MOB1B: variants seen among roughly 807,000 people sequenced by gnomAD.
MOB1B encodes MOB kinase activator 1B.
In MOB1B, 19 loss-of-function variants were observed where a neutral mutation model predicts 24.4. That is an observed-to-expected ratio of 0.78 (90% CI 0.54 to 1.14). The LOEUF (loss-of-function observed/expected upper bound fraction) is 1.14. MOB1B is among the 50% of genes most tolerant of loss of function. MOB1B has a pLI of 0.00. For missense variants in MOB1B, 243 were observed against 259.6 expected, an observed-to-expected ratio of 0.94 and a Z score of 0.44; for synonymous variants, 76 against 82.1, an observed-to-expected ratio of 0.93 and a Z score of 0.40.
chr4:70,909,420 A>G (rs1180444886), intron 1 of MOB1B, among the ~76,000 whole-genome samples: 1 of 152,158 alleles, frequency 6.6e-6, no homozygotes, highest in Non-Finnish European at 1.5e-5. Flanking sequence ...AGGCAGAAGG[A>G]TGGCTTGAGC....
chr4:70,908,667 C>T (rs1440364229), intron 1 of MOB1B, among the ~76,000 whole-genome samples: 2 of 151,052 alleles, frequency 1.3e-5, no homozygotes, highest in East Asian at 2.0e-4. Context: ...CCCAGCTACT[C>T]GGGAGGCTGA....
At chr4:70,939,122 A>T (rs1463247348) in intron 1 of MOB1B, among the ~76,000 whole-genome samples, 2 of 152,232 alleles carry the variant, frequency 1.3e-5, no homozygotes, top group Non-Finnish European at 2.9e-5. Context: ...GCAGTGATTC[A>T]ACACAATAAC....
chr4:70,926,039 A>G (rs1411380225), intron 1 of MOB1B, among the ~76,000 whole-genome samples: 1 of 152,150 alleles, frequency 6.6e-6, no homozygotes, highest in East Asian at 1.9e-4. Flanking sequence ...CGAAGCTGGA[A>G]TGCAGTGGTA....
At chr4:70,914,028 GGGT>G (rs1157626359) in intron 1 of MOB1B, among the ~76,000 whole-genome samples, 1 of 152,038 alleles carries the variant, frequency 6.6e-6, no homozygotes, top group Non-Finnish European at 1.5e-5. Flanking sequence ...TAGAGCCTTT[GGGT>G]GGTGAAGAGA....
chr4:70,959,082 T>G lies in MOB1B; in HGVS notation c.181+42T>G, dbSNP rs376685758. 474 of 1,553,472 alleles carry G rather than the reference T, an allele frequency of 3.1e-4. 1 individual carries two copies. The highest frequency in any genetic ancestry group is 9.9e-4 in the Admixed American group (57 of 57,790). On this transcript the variant is annotated intron_variant, in intron 2 of 5. Transcript: ENST00000309395. ...TTTCTCAGTAGCCTGTGAATTAGGG[T>G]AATAGCCTCATTGTTGGTGAGTGTT...
At chr4:70,912,691 A>C (rs563472923) in intron 1 of MOB1B, among the ~76,000 whole-genome samples, 1 of 152,352 alleles carries the variant, frequency 6.6e-6, no homozygotes, top group African/African-American at 2.4e-5. Flanking sequence ...CTGTTGCTTT[A>C]ACAATGTAAT....
intron 1 of MOB1B, among the ~76,000 whole-genome samples, chr4:70,956,584 C>A (rs1471319219): frequency 6.6e-6 from 1 of 152,084 alleles, no homozygotes. Flanking sequence ...GCATGCACCA[C>A]CACACTTGGT....
chr4:70,903,856 CGGAAAG>C (rs1342273217), intron 1 of MOB1B, among the ~76,000 whole-genome samples: 1 of 151,232 alleles, frequency 6.6e-6, no homozygotes, highest in Non-Finnish European at 1.5e-5. Context: ...AACCTTTAAA[CGGAAAG>C]GGATTTCTTA....
At chr4:70,907,772 C>T (rs1479699176) in intron 1 of MOB1B, among the ~76,000 whole-genome samples, 4 of 152,124 alleles carry the variant, frequency 2.6e-5, no homozygotes, top group Non-Finnish European at 4.4e-5. Context: ...AAGATTGCAC[C>T]ACTGCACTCC....
intron 1 of MOB1B, among the ~76,000 whole-genome samples, chr4:70,930,965 CTTT>C (rs71211981): frequency 6.7e-4 from 77 of 114,262 alleles, no homozygotes; most frequent in Non-Finnish European, 8.0e-4. Flanking sequence ...TGTACCTTTC[CTTT>C]TTTTTTTTTT....
At chr4:70,932,243 A>G (rs1376578491) in intron 1 of MOB1B, among the ~76,000 whole-genome samples, 1 of 152,150 alleles carries the variant, frequency 6.6e-6, no homozygotes. Context: ...TATAAGAGAA[A>G]TCATATCATC....
At chr4:70,976,500 T>C (rs1402688101) in intron 4 of MOB1B, 7 of 985,274 alleles carry the variant, frequency 7.1e-6, no homozygotes, top group Non-Finnish European at 8.4e-6. Context: ...GGCAGACTTA[T>C]CAAGTAGAAA....
At chr4:70,913,530 A>G (rs950939936) in intron 1 of MOB1B, among the ~76,000 whole-genome samples, 8 of 151,294 alleles carry the variant, frequency 5.3e-5, no homozygotes, top group African/African-American at 1.9e-4. Flanking sequence ...GGCTCGAGCA[A>G]TCCTCCTGCC....
chr4:70,929,531 AGCACAGTGGCCCAACAACT>A (rs1435519398), intron 1 of MOB1B, among the ~76,000 whole-genome samples: 1 of 152,076 alleles, frequency 6.6e-6, no homozygotes, highest in East Asian at 1.9e-4. Flanking sequence ...CTGAGTCTGT[AGCACAGTGGCCCAACAACT>A]GCTTATTGTG....
At chr4:70,957,259 C>CAAA (rs1247828205) in intron 1 of MOB1B, among the ~76,000 whole-genome samples, 7 of 63,482 alleles carry the variant, frequency 1.1e-4, no homozygotes, top group South Asian at 5.5e-4. Flanking sequence ...GACTATGTCT[C>CAAA]AAAAAAAAAA....
At chr4:70,973,487 A>C (rs958695938) in intron 3 of MOB1B, among the ~76,000 whole-genome samples, 5 of 151,946 alleles carry the variant, frequency 3.3e-5, no homozygotes, top group South Asian at 4.1e-4. Flanking sequence ...AAAAAAAAAA[A>C]AAAAAACATA....
chr4:70,912,137 T>C (rs1432742723), intron 1 of MOB1B, among the ~76,000 whole-genome samples: 1 of 152,082 alleles, frequency 6.6e-6, no homozygotes, highest in Middle Eastern at 3.2e-3. Context: ...TCTCAAGTGA[T>C]CTACCTACCT....
intron 1 of MOB1B, among the ~76,000 whole-genome samples, chr4:70,941,865 CAATA>C (rs1245512066): frequency 6.6e-6 from 1 of 152,162 alleles, no homozygotes; most frequent in African/African-American, 2.4e-5. Flanking sequence ...CGAGATACTT[CAATA>C]TCTGTCAGAA....
chr4:70,940,632 G>A (rs10003046), intron 1 of MOB1B, among the ~76,000 whole-genome samples: 7,479 of 150,152 alleles, frequency 0.05, 334 homozygotes, highest in African/African-American at 0.12. Flanking sequence ...TTTTCCTTTC[G>A]TTTTTGTTTT....
Sources: gnomAD v4.1 joint callset for allele counts (sites outside exome capture counted in the v4.1 genomes callset) on GRCh38, gnomAD v4.1.1 for gene constraint, MANE v1.5 for transcripts, NCBI Gene and HGNC (gene_info 2026-07-23, HGNC 2026-07-21) for gene names.